The following PRKN variants were observed in gnomAD, a reference collection of about 807,000 sequenced individuals.
PRKN encodes E3 ubiquitin-protein ligase parkin.
Under a neutral mutation model 59.5 loss-of-function variants are expected in PRKN, and 56 were observed. The ratio of observed to expected loss-of-function variants is 0.94; its 90% CI spans 0.76 to 1.18. The LOEUF is 1.18. Ranked by LOEUF, PRKN falls within the 50% of genes most tolerant of loss-of-function variation. PRKN has a pLI of 0.00. For synonymous variants in PRKN, 250 were observed against 222.1 expected, an observed-to-expected ratio of 1.13 and a Z score of -1.12; for missense variants, 657 against 596.4, an observed-to-expected ratio of 1.10 and a Z score of -1.06.
chr6:161,415,791 A>G (rs1688899881), intron 9 of PRKN, among the ~76,000 whole-genome samples: 2 of 151,364 alleles, frequency 1.3e-5, no homozygotes, highest in East Asian at 1.9e-4. Context: ...TGCCCATTTC[A>G]CTGGGAATGA....
intron 5 of PRKN, among the ~76,000 whole-genome samples, chr6:162,030,926 C>T (rs1422881184): frequency 6.6e-6 from 1 of 152,170 alleles, no homozygotes; most frequent in Non-Finnish European, 1.5e-5. Context: ...GCCCCTCCAC[C>T]CTAATTCTGG....
At chr6:162,676,074 T>C (rs1779531350) in intron 1 of PRKN, among the ~76,000 whole-genome samples, 2 of 152,164 alleles carry the variant, frequency 1.3e-5, no homozygotes, top group African/African-American at 4.8e-5. Flanking sequence ...GTGTTAAGGA[T>C]GATGGAGGTC....
At chr6:161,949,577 T>A (rs910923139) in intron 6 of PRKN, among the ~76,000 whole-genome samples, 1 of 152,188 alleles carries the variant, frequency 6.6e-6, no homozygotes, top group Non-Finnish European at 1.5e-5. Context: ...TTATAACTCC[T>A]TGAAGGACAC....
At position 161,548,445 on chromosome 6, in the gene PRKN, C is replaced by T. The variant is rs1428421496; in HGVS notation, c.1083+409G>A. Among the ~76,000 whole-genome samples the T allele has an allele frequency of 6.6e-6, 1 of 152,176 alleles. No homozygotes were observed. Among genetic ancestry groups the T allele is most frequent in the African/African-American group, 2.4e-5 (1 of 41,452 alleles). On this transcript the variant is annotated intron_variant, in intron 9 of 11. Coordinates refer to ENST00000366898, the MANE Select transcript of PRKN (RefSeq NM_004562.3). This position sits in a 1 kb window ranked among gnomAD's most constrained non-coding sequence, Gnocchi z 4.2. The stretch of plus-strand genomic sequence containing the variant: ...CCTTCATTTTATTTCTTGAAATACT[C>T]AGGCAAACAATGTCACTAAGACGTC...
intron 7 of PRKN, among the ~76,000 whole-genome samples, chr6:161,704,935 G>A (rs1297032473): frequency 6.6e-6 from 1 of 152,184 alleles, no homozygotes; most frequent in East Asian, 1.9e-4. Flanking sequence ...TTCAAAGAAT[G>A]TGGATGATTG....
intron 1 of PRKN, among the ~76,000 whole-genome samples, chr6:162,627,416 T>C (rs1194887153): frequency 1.3e-5 from 2 of 152,188 alleles, no homozygotes; most frequent in African/African-American, 4.8e-5. Flanking sequence ...TTCCCCAGAT[T>C]GTGAAGAGCT....
rs1056051182 is a variant in PRKN, at chr6:161,588,146, G to A, written c.872-18730C>T. 1.1e-4 allele frequency among the ~76,000 whole-genome samples: 17 copies of A among 152,268 alleles called. 1 individual carries two copies. The East Asian group carries it at 2.7e-3, about 24-fold the overall frequency. ...CATGCCTGTAATCCCAGCACTTTGG[G>A]AGGCCGAGTCGGGTGGATCACAAGG... On this transcript the variant is annotated intron_variant, in intron 7 of 11. Coordinates refer to ENST00000366898, the MANE Select transcript of PRKN (RefSeq NM_004562.3). This position sits in a 1 kb window ranked among gnomAD's most constrained non-coding sequence, Gnocchi z 5.0.
intron 7 of PRKN, among the ~76,000 whole-genome samples, chr6:161,638,389 C>T (rs915218131): frequency 3.9e-5 from 6 of 152,242 alleles, no homozygotes; most frequent in African/African-American, 1.4e-4. Context: ...CCTGCCTCGG[C>T]GTCCCAAAGT....
Position 161,405,399 on chromosome 6 carries a change from G to A in PRKN, c.1084-18522C>T, listed in dbSNP as rs1371392065. Among the ~76,000 whole-genome samples, 1 of 151,888 alleles carries A rather than the reference G, an allele frequency of 6.6e-6. No homozygotes were observed. The highest frequency in any genetic ancestry group is 2.4e-5 in the African/African-American group (1 of 41,316). On this transcript the variant is annotated intron_variant, in intron 9 of 11. Coordinates refer to ENST00000366898, the MANE Select transcript of PRKN (RefSeq NM_004562.3). The surrounding 1 kb of genome is among the most constrained non-coding windows in gnomAD (Gnocchi z 5.1). ...TCGAGACCAGCCTGGCCAACATGGT[G>A]AAACCCCGTCTCTACCGAAAATGCA...
At chr6:162,119,627 T>G (rs1286932228) in intron 4 of PRKN, among the ~76,000 whole-genome samples, 1 of 152,066 alleles carries the variant, frequency 6.6e-6, no homozygotes, top group Non-Finnish European at 1.5e-5. Context: ...AGCAGCTGTT[T>G]TTTCCCCTCC....
intron 7 of PRKN, among the ~76,000 whole-genome samples, chr6:161,707,335 T>C (rs1034361678): frequency 1.3e-5 from 2 of 152,160 alleles, no homozygotes; most frequent in African/African-American, 4.8e-5. Context: ...ATAGAGTACA[T>C]CATAATTGTG....
intron 9 of PRKN, among the ~76,000 whole-genome samples, chr6:161,474,690 G>A (rs1790979673): frequency 6.6e-6 from 1 of 151,876 alleles, no homozygotes; most frequent in Admixed American, 6.6e-5. Flanking sequence ...CGCCTCGTGG[G>A]TTCACGCCAT....
intron 7 of PRKN, among the ~76,000 whole-genome samples, chr6:161,621,871 T>A (rs1390764168): frequency 6.6e-6 from 1 of 152,162 alleles, no homozygotes; most frequent in Non-Finnish European, 1.5e-5. Flanking sequence ...TCCTAGTATG[T>A]TACCAAGTGA....
chr6:162,028,335 A>C (rs1182283888), intron 5 of PRKN, among the ~76,000 whole-genome samples: 1 of 152,170 alleles, frequency 6.6e-6, no homozygotes, highest in African/African-American at 2.4e-5. Flanking sequence ...TTTTCAGTGA[A>C]CCATCTAAAT....
chr6:162,132,691 G>A (rs1781413090), intron 4 of PRKN, among the ~76,000 whole-genome samples: 1 of 152,098 alleles, frequency 6.6e-6, no homozygotes, highest in Admixed American at 6.6e-5. Context: ...TCTGGTGTCA[G>A]GGGTAAAGGA....
intron 1 of PRKN, among the ~76,000 whole-genome samples, chr6:162,588,427 T>C (rs1349538590): frequency 6.6e-6 from 1 of 152,180 alleles, no homozygotes; most frequent in African/African-American, 2.4e-5. Context: ...AACTAGGATT[T>C]CTAAAAAACA....
At chr6:162,048,299 TTTTC>T (rs1377505075) in intron 5 of PRKN, among the ~76,000 whole-genome samples, 1 of 152,188 alleles carries the variant, frequency 6.6e-6, no homozygotes, top group African/African-American at 2.4e-5. Flanking sequence ...ATCACTTAAA[TTTTC>T]TTTCTTTTTT....
intron 5 of PRKN, among the ~76,000 whole-genome samples, chr6:162,044,442 C>G (rs144111353): frequency 6.2e-4 from 94 of 152,332 alleles, no homozygotes; most frequent in African/African-American, 2.2e-3. Context: ...GTCATCAAGT[C>G]TAGCTCAGCC....
chr6:162,430,586 T>C (rs543906769), intron 2 of PRKN, among the ~76,000 whole-genome samples: 1 of 150,730 alleles, frequency 6.6e-6, no homozygotes, highest in Non-Finnish European at 1.5e-5. Flanking sequence ...CTGGCTTACA[T>C]ATATATATAT....
Sources: allele counts gnomAD v4.1 joint callset (sites outside exome capture counted in the v4.1 genomes callset), GRCh38; gene constraint gnomAD v4.1.1; non-coding constraint Gnocchi (gnomAD v3.1); transcripts MANE v1.5; gene names NCBI Gene and HGNC (gene_info 2026-07-23, HGNC 2026-07-21).